The following NUMA1 variants were observed in gnomAD, a reference collection of about 807,000 sequenced individuals.
The protein encoded by NUMA1 is nuclear mitotic apparatus protein 1, also known as SP-H antigen.
NUMA1 carries 62 observed loss-of-function variants against 237.1 expected under a neutral mutation model. That is an observed-to-expected ratio of 0.26 (90% CI 0.21 to 0.32). The LOEUF (loss-of-function observed/expected upper bound fraction) is 0.32, where lower values mean the gene tolerates loss of function less well. NUMA1 is among the 10% of genes least tolerant of loss of function. The pLI is 1.00. For missense variants in NUMA1, 2,533 were observed against 2,666.5 expected (o/e 0.95, Z 1.10); for synonymous variants, 1,028 against 1,066.1 (o/e 0.96, Z 0.70).
At chr11:72,077,550 C>A (rs1943767209) in intron 1 of NUMA1, among the ~76,000 whole-genome samples, 1 of 152,166 alleles carries the variant, frequency 6.6e-6, no homozygotes, top group South Asian at 2.1e-4. Flanking sequence ...CACAGTGGCT[C>A]ATGCCTATAA....
At position 72,015,108 on chromosome 11, in the gene NUMA1, C is replaced by T. The variant is rs887687268; in HGVS notation, c.2395G>A (p.Ala799Thr). The change falls in exon 15 of 27, where the codon GCT (alanine) becomes ACT (threonine). Residue 799 changes from alanine (A) to threonine (T), a missense_variant. Coordinates refer to ENST00000393695, the MANE Select transcript of NUMA1 (RefSeq NM_006185.4). This position sits in a 1 kb window ranked among gnomAD's most constrained non-coding sequence, Gnocchi z 4.0. ...ACGAGCTGCTCACACTCACTCTCAG[C>T]TGTGTGCTGGGCAGCCATGGCCTCT... is the stretch of plus-strand genomic sequence containing the variant. ...LAEAMAAQHT[A>T]ESECEQLVKE... 9.9e-6 allele frequency: 16 copies of T among 1,613,590 alleles called. No individual in the cohort carries two copies. The highest frequency in any genetic ancestry group is 1.3e-5 in the Non-Finnish European group (15 of 1,180,038).
chr11:72,009,908 C>T (rs1324690817), intron 17 of NUMA1, among the ~76,000 whole-genome samples: 1 of 152,180 alleles, frequency 6.6e-6, no homozygotes, highest in Non-Finnish European at 1.5e-5. Flanking sequence ...GTCCACCTAA[C>T]TCCAAAAGCC....
Position 72,014,106 on chromosome 11 carries a change from C to T in NUMA1, c.3397G>A (p.Glu1133Lys). 1 of 1,611,518 alleles carries T rather than the reference C, an allele frequency of 6.2e-7. No homozygotes were observed. The highest frequency in any genetic ancestry group is 8.5e-7 in the Non-Finnish European group (1 of 1,180,034). Residue 1133 changes from glutamate to lysine, a missense_variant, in exon 15 of 27, where the codon GAA becomes AAA. By Grantham distance (56) the Glu-to-Lys change is moderately conservative. This residue lies in a region of NUMA1 where 1,414 missense variants were observed against 1,508.1 expected (regional missense o/e 0.94). Transcript: ENST00000393695. This position sits in a 1 kb window ranked among gnomAD's most constrained non-coding sequence, Gnocchi z 4.6. ...TCCTGCTGCTTCTGGCATTGCTGTT[C>T]CAGCTTGCTCACCTCTGCCCGCAGT... ...EALRAEVSKL[E>K]QQCQKQQEQA...
intron 2 of NUMA1, among the ~76,000 whole-genome samples, chr11:72,039,104 A>G (rs968024860): frequency 1.3e-5 from 2 of 152,210 alleles, no homozygotes; most frequent in South Asian, 2.1e-4. Context: ...AAATATCAAG[A>G]TAAGGAAAGT....
intron 13 of NUMA1, 41 bp downstream of exon 13, chr11:72,017,646 A>G: frequency 1.2e-6 from 2 of 1,610,446 alleles, no homozygotes. Flanking sequence ...AGCTTTGCAC[A>G]TGTGGTCAAG....
chr11:72,077,124 G>A (rs1458486517), intron 1 of NUMA1, among the ~76,000 whole-genome samples: 1 of 152,144 alleles, frequency 6.6e-6, no homozygotes, highest in Admixed American at 6.5e-5. Flanking sequence ...TGGAAATTAT[G>A]AAAGAAAGAA....
intron 13 of NUMA1, 168 bp from the exon 14 acceptor site, chr11:72,016,698 AC>A: frequency 1.1e-5 from 8 of 752,282 alleles, no homozygotes; most frequent in Non-Finnish European, 1.7e-5. Flanking sequence ...AGCATGAGGG[AC>A]CTGATTCTCT....
chr11:72,034,598 C>T (rs1940782438), intron 3 of NUMA1, among the ~76,000 whole-genome samples: 1 of 151,934 alleles, frequency 6.6e-6, no homozygotes, highest in Non-Finnish European at 1.5e-5. Context: ...ATCCCAGCTA[C>T]TCGGGAGGCT....
At chr11:72,077,646 C>G (rs1274791819) in intron 1 of NUMA1, among the ~76,000 whole-genome samples, 1 of 151,854 alleles carries the variant, frequency 6.6e-6, no homozygotes, top group East Asian at 1.9e-4. Context: ...AACCCTGTCT[C>G]TACTAAAAAT....
intron 2 of NUMA1, among the ~76,000 whole-genome samples, chr11:72,038,887 C>T (rs1297443253): frequency 6.6e-6 from 1 of 151,926 alleles, no homozygotes; most frequent in African/African-American, 2.4e-5. Flanking sequence ...GAAAGAAATT[C>T]CCCCAGAATC....
At position 72,004,809 on chromosome 11, in the gene NUMA1, A is replaced by G; in HGVS notation, c.5837T>C (p.Leu1946Pro). The G allele has an allele frequency of 6.4e-7, 1 of 1,572,538 alleles. No individual in the cohort carries two copies. The highest frequency in any genetic ancestry group is 8.6e-7 in the Non-Finnish European group (1 of 1,160,236). Residue 1946 changes from leucine (L) to proline (P), a missense_variant, in exon 24 of 27, where the codon CTG becomes CCG. Coordinates refer to ENST00000393695, the MANE Select transcript of NUMA1 (RefSeq NM_006185.4). ...CTCATCTGTGATGGTGCCCAGGCTC[A>G]GGGAAGGCTGCATGGGTGGAAGAGG... ...TCYPLESRPS[L>P]SLGTITDEEM...
In NUMA1 at chr11:72,009,297, C is replaced by T; in HGVS notation, c.4810G>A (p.Glu1604Lys). ...AGCTTATAGTGCTCAGCTGCCTGCTCCTTCTGGCTCAACTGGGCTTGCAGT... is the reference window on the plus strand; with the variant it reads ...AGCTTATAGTGCTCAGCTGCCTGCTTCTTCTGGCTCAACTGGGCTTGCAGT... ...NELQAQLSQK[E>K]QAAEHYKLQM... Residue 1604 changes from glutamate to lysine, a missense_variant, in exon 18 of 27, where the codon GAG (glutamate) becomes AAG (lysine). Transcript: ENST00000393695. 1.2e-6 allele frequency: 2 copies of T among 1,613,596 alleles called. No individual in the cohort carries two copies. The highest frequency in any genetic ancestry group is 1.7e-6 in the Non-Finnish European group (2 of 1,179,966).
At chr11:72,022,585 T>C (rs1216727688) in intron 6 of NUMA1, among the ~76,000 whole-genome samples, 166 bp from the exon 7 acceptor site, 1 of 151,784 alleles carries the variant, frequency 6.6e-6, no homozygotes, top group South Asian at 2.1e-4. Context: ...AAACACTTTT[T>C]TTTTTTTTTT....
chr11:72,009,631 T>C (rs991037947), intron 17 of NUMA1, among the ~76,000 whole-genome samples: 2 of 152,218 alleles, frequency 1.3e-5, no homozygotes, highest in Non-Finnish European at 2.9e-5. Flanking sequence ...ATCTTTGCCT[T>C]CTTTGAGACC....
intron 2 of NUMA1, among the ~76,000 whole-genome samples, chr11:72,057,644 T>G (rs1480938560): frequency 6.6e-6 from 1 of 151,444 alleles, no homozygotes; most frequent in African/African-American, 2.4e-5. Context: ...CTTGGGAGGC[T>G]GAGGCATGAG....
intron 3 of NUMA1, 72 bp from the exon 4 acceptor site, chr11:72,029,362 A>C: frequency 1.1e-6 from 1 of 894,464 alleles, no homozygotes; most frequent in Non-Finnish European, 1.8e-6. Context: ...CCAGAGGCTT[A>C]ATGTGAGTGC....
chr11:72,016,562 AG>A, intron 13 of NUMA1, 32 bp from the exon 14 acceptor site: 1 of 1,606,242 alleles, frequency 6.2e-7, no homozygotes, highest in Non-Finnish European at 8.5e-7. Flanking sequence ...GTGAACAGAG[AG>A]GGGGAACAGG....
chr11:72,012,845 G>A (rs767790193), intron 15 of NUMA1, 50 bp downstream of exon 15: 48 of 1,585,298 alleles, frequency 3.0e-5, no homozygotes, highest in Admixed American at 2.1e-4. Flanking sequence ...CGATGTCCCC[G>A]CGCTCTCAGC....
At chr11:72,050,327 G>A (rs1414688717) in intron 2 of NUMA1, among the ~76,000 whole-genome samples, 2 of 152,092 alleles carry the variant, frequency 1.3e-5, no homozygotes, top group Non-Finnish European at 2.9e-5. Context: ...TCTGGTTCCA[G>A]GTCCACTTTT....
Sources: allele counts gnomAD v4.1 joint callset (sites outside exome capture counted in the v4.1 genomes callset), GRCh38; gene constraint gnomAD v4.1.1; regional missense constraint gnomAD v4.1.1; non-coding constraint Gnocchi (gnomAD v3.1); transcripts MANE v1.5; gene names NCBI Gene and HGNC (gene_info 2026-07-23, HGNC 2026-07-21).